The following DGKH variants were observed in gnomAD, a reference collection of about 807,000 sequenced individuals.
DGKH encodes DAG kinase eta.
DGKH carries 90 observed loss-of-function variants against 159.3 expected under a neutral mutation model. That is an observed-to-expected ratio of 0.57 (90% CI 0.48 to 0.67). The LOEUF is 0.67. DGKH is among the 30% of genes least tolerant of loss of function. The pLI, the probability that DGKH is intolerant of heterozygous loss-of-function variation, is 0.00. For missense variants in DGKH, 1,181 were observed against 1,506.1 expected, an observed-to-expected ratio of 0.78 and a Z score of 3.57; for synonymous variants, 536 against 553.8, an observed-to-expected ratio of 0.97 and a Z score of 0.45.
chr13:42,101,180 G>A (rs1954645420), intron 1 of DGKH, among the ~76,000 whole-genome samples: 2 of 152,098 alleles, frequency 1.3e-5, no homozygotes, highest in Admixed American at 1.3e-4. Flanking sequence ...AATTATGCTC[G>A]CATATGTTGA....
At chr13:42,166,387 A>G in intron 8 of DGKH, 128 bp from the exon 9 acceptor site, 2 of 745,912 alleles carry the variant, frequency 2.7e-6, no homozygotes, top group Middle Eastern at 4.1e-4. Context: ...ACCTATCTCT[A>G]TTTGGAGAGC....
At chr13:42,069,554 G>A (rs1882816860) in intron 1 of DGKH, 1 of 1,594,488 alleles carries the variant, frequency 6.3e-7, no homozygotes, top group Non-Finnish European at 8.6e-7. Flanking sequence ...TTTCCAGCCA[G>A]TTGCCGTGAT....
At chr13:42,049,059 G>C in intron 1 of DGKH, 94 bp downstream of exon 1, 1 of 25,182 alleles carries the variant, frequency 4.0e-5, no homozygotes, top group East Asian at 1.0e-3. Context: ...TCCCGGGAAG[G>C]CGGGGAAGGC....
rs1424199707 is a variant in DGKH at position 42,194,987 on chromosome 13, CT to C, written c.2139del (p.Val714CysfsTer6). 4.3e-5 allele frequency: 70 copies of C among 1,613,936 alleles called. No homozygotes were observed. Among genetic ancestry groups the C allele is most frequent in the Non-Finnish European group, 5.8e-5 (69 of 1,179,950 alleles). On this transcript the variant is annotated frameshift_variant, in exon 17 of 30. Transcript: ENST00000337343. LOFTEE classifies it high-confidence loss of function. ...GTGGCAGCCAGCAAAGAAAACCTCC[CT>C]GTGCTCAATACCAGAATAATCTGCC... ...PAVAASKENL[P>X]VLNTRIICPG...
chr13:42,196,751 TA>T (rs1236685141), intron 17 of DGKH, among the ~76,000 whole-genome samples: 3 of 152,174 alleles, frequency 2.0e-5, no homozygotes, highest in African/African-American at 7.2e-5. Context: ...CTGAATTATC[TA>T]AAAACTTTAA....
At position 42,048,814 on chromosome 13, in the gene DGKH, C is replaced by T. The variant is rs757006846; in HGVS notation, c.41C>T (p.Ala14Val). The T allele has an allele frequency of 9.0e-6, 12 of 1,330,034 alleles. No homozygotes were observed. The highest frequency in any genetic ancestry group is 1.2e-5 in the Non-Finnish European group (12 of 1,037,306). 82.4% of individuals were successfully genotyped at this position (1,330,034 alleles called of 1,614,324 possible). ...AGGQHHPPGA[A>V]GGAAAGAGAA... ...GGCCAGCACCACCCTCCGGGCGCCG[C>T]TGGAGGAGCGGCCGCCGGAGCCGGC... The change falls in exon 1 of 30, where the codon GCT becomes GTT. Residue 14 changes from alanine (A) to valine (V), a missense_variant. This residue lies in a region of DGKH where 136 missense variants were observed against 132.2 expected (regional missense o/e 1.03). Transcript: ENST00000337343. The surrounding 1 kb of genome is among the most constrained non-coding windows in gnomAD (Gnocchi z 6.7).
At chr13:42,191,580 C>G (rs1427950901) in intron 16 of DGKH, among the ~76,000 whole-genome samples, 3 of 152,078 alleles carry the variant, frequency 2.0e-5, no homozygotes, top group Non-Finnish European at 2.9e-5. Flanking sequence ...ATCAGATTAA[C>G]ATTTTCTGCT....
At chr13:42,246,434 A>G (rs1345801843), downstream of DGKH, among the ~76,000 whole-genome samples, 1 of 152,162 alleles carries the variant, frequency 6.6e-6, no homozygotes, top group Non-Finnish European at 1.5e-5. Flanking sequence ...TAAAAAAAAG[A>G]GAGAGAGAAT....
At chr13:42,068,132 C>T (rs1338583876) in intron 1 of DGKH, among the ~76,000 whole-genome samples, 1 of 152,034 alleles carries the variant, frequency 6.6e-6, no homozygotes, top group African/African-American at 2.4e-5. Flanking sequence ...TGTGGACCGC[C>T]TTAGGATAAA....
intron 1 of DGKH, among the ~76,000 whole-genome samples, chr13:42,078,609 CG>C (rs1954141570): frequency 6.6e-6 from 1 of 151,832 alleles, no homozygotes; most frequent in African/African-American, 2.4e-5. Context: ...AGGGGTTGGG[CG>C]GGGGACATGG....
chr13:42,248,547 T>G (rs1958598407), intron 29 of DGKH, among the ~76,000 whole-genome samples: 1 of 147,152 alleles, frequency 6.8e-6, no homozygotes, highest in Non-Finnish European at 1.5e-5. Context: ...ATTATTTAAA[T>G]TATATTGTTT....
At chr13:42,096,203 T>G (rs1954529738) in intron 1 of DGKH, among the ~76,000 whole-genome samples, 1 of 152,044 alleles carries the variant, frequency 6.6e-6, no homozygotes, top group Non-Finnish European at 1.5e-5. Context: ...ACCCAGGTAC[T>G]GAACACAGTA....
chr13:42,138,519 G>A (rs1955454441), intron 3 of DGKH, among the ~76,000 whole-genome samples: 1 of 152,210 alleles, frequency 6.6e-6, no homozygotes, highest in African/African-American at 2.4e-5. Context: ...ATATATCCTT[G>A]TTGGATGAAT....
chr13:42,241,942 A>T lies in DGKH; in HGVS notation c.*12754A>T, dbSNP rs1250065157. Reference sequence around the variant, plus strand: ...TATCTTTATTGTCAGTAAGTGTGGAAAAAAACCCGACTTGTATGTGTATTC... The same window carrying T: ...TATCTTTATTGTCAGTAAGTGTGGATAAAAACCCGACTTGTATGTGTATTC... On this transcript the variant is annotated 3_prime_UTR_variant, in exon 30 of 30. Transcript: ENST00000337343. The T allele has an allele frequency of 6.6e-6, 1 of 152,222 alleles. No homozygotes were observed. The highest frequency in any genetic ancestry group is 1.5e-5 in the Non-Finnish European group (1 of 68,036). 9.4% of individuals were successfully genotyped at this position (152,222 alleles called of 1,614,324 possible).
intron 29 of DGKH, among the ~76,000 whole-genome samples, chr13:42,227,440 A>G (rs1166197833): frequency 6.6e-6 from 1 of 152,236 alleles, no homozygotes; most frequent in Non-Finnish European, 1.5e-5. Flanking sequence ...ATTTAAATAT[A>G]TTTTGTAGTT....
Position 42,236,352 on chromosome 13 carries a change from ACTGTATTCTTT to A in DGKH, c.*7165_*7175del, listed in dbSNP as rs990244271. 7.8e-4 allele frequency: 119 copies of A among 152,308 alleles called. No homozygotes were observed. Among genetic ancestry groups the A allele is most frequent in the African/African-American group, 2.7e-3 (112 of 41,564 alleles). The allele number at this position is 152,308 out of a possible 1,614,324, so 9.4% of individuals were successfully genotyped here. ...TGCCCAACTATTTTCCTTTTAAAAA[ACTGTATTCTTT>A]ACTGCAATAGATAGCGGAATAGTAA... On this transcript the variant is annotated 3_prime_UTR_variant, in exon 30 of 30. Transcript: ENST00000337343.
intron 1 of DGKH, among the ~76,000 whole-genome samples, chr13:42,067,405 C>T (rs913833347): frequency 1.3e-4 from 20 of 152,032 alleles, no homozygotes; most frequent in East Asian, 5.8e-4. Flanking sequence ...ATTTTCAACA[C>T]GCTTAAAAAA....
intron 1 of DGKH, among the ~76,000 whole-genome samples, chr13:42,082,331 T>C (rs1295509280): frequency 6.6e-6 from 1 of 152,144 alleles, no homozygotes; most frequent in Admixed American, 6.5e-5. Flanking sequence ...AGTAAAGCTA[T>C]TTTAAAAGAG....
chr13:42,219,781 A>T lies in DGKH; in HGVS notation c.3429A>T (p.Thr1143=). The change falls in exon 28 of 30, where the codon ACA becomes ACT. Residue 1143 remains threonine, a synonymous_variant. Transcript: ENST00000337343. ...AGGAAAAGGTTCAGAAGCAGAAGAC[A>T]AGTTCACAGCCTGGTAGGTGGTCCA... ...FKKEKVQKQK[T]SSQPVQKWGT... 6.2e-7 allele frequency: 1 copy of T among 1,613,550 alleles called. No individual in the cohort carries two copies. The highest frequency in any genetic ancestry group is 8.5e-7 in the Non-Finnish European group (1 of 1,179,628).
Sources: allele counts gnomAD v4.1 joint callset (sites outside exome capture counted in the v4.1 genomes callset), GRCh38; gene constraint gnomAD v4.1.1; regional missense constraint gnomAD v4.1.1; non-coding constraint Gnocchi (gnomAD v3.1); transcripts MANE v1.5; gene names NCBI Gene and HGNC (gene_info 2026-07-23, HGNC 2026-07-21).